Variants in OSBPL10 observed in about 807,000 individuals in gnomAD.
OSBPL10 encodes the protein oxysterol-binding protein-related protein 10.
Under a neutral mutation model 81.7 loss-of-function variants are expected in OSBPL10, and 49 were observed. The ratio of observed to expected loss-of-function variants is 0.60; its 90% CI spans 0.48 to 0.76. OSBPL10 has a LOEUF of 0.76. OSBPL10 is among the 30% of genes least tolerant of loss of function. OSBPL10 has a pLI of 0.00. For missense variants in OSBPL10, 923 were observed against 987.8 expected (o/e 0.93, Z 0.88); for synonymous variants, 419 against 383.6 (o/e 1.09, Z -1.08).
At chr3:31,828,019 A>T (rs533278966) in intron 4 of OSBPL10, among the ~76,000 whole-genome samples, 2 of 152,212 alleles carry the variant, frequency 1.3e-5, no homozygotes, top group Admixed American at 1.3e-4. Context: ...TTTTTCATAC[A>T]TACAGGCTTC....
At chr3:32,010,574 G>C (rs1027175671) in intron 2 of OSBPL10, among the ~76,000 whole-genome samples, 1 of 152,176 alleles carries the variant, frequency 6.6e-6, no homozygotes, top group African/African-American at 2.4e-5. Context: ...CATCTCACTG[G>C]GGATTGTCGG....
intron 3 of OSBPL10, among the ~76,000 whole-genome samples, chr3:31,849,522 C>G (rs942977166): frequency 2.0e-5 from 3 of 152,072 alleles, no homozygotes; most frequent in African/African-American, 7.2e-5. Context: ...GTCTAGAATC[C>G]TAGGTCTCAC....
chr3:32,074,032 TC>T (rs1383014865), intron 1 of OSBPL10, among the ~76,000 whole-genome samples: 1 of 152,148 alleles, frequency 6.6e-6, no homozygotes, highest in African/African-American at 2.4e-5. Context: ...CTGCCGCCAA[TC>T]CTTCTCTAGC....
chr3:32,066,017 G>A lies in OSBPL10; in HGVS notation n.185+11379C>T, dbSNP rs566200322. 2.7e-5 allele frequency among the ~76,000 whole-genome samples: 2 copies of A among 73,404 alleles called. 1 individual carries two copies. The highest frequency in any genetic ancestry group is 7.3e-5 in the Non-Finnish European group (2 of 27,382). 48.2% of individuals were successfully genotyped at this position (73,404 alleles called of 152,430 possible). A position where few individuals can be genotyped will look rare whatever the true frequency, so the allele number is the denominator to read the frequency against. On this transcript the variant is annotated intron_variant and non_coding_transcript_variant, in intron 1 of 3. Transcript: ENST00000479173. ...AAAGAAAGAAAGAAAGAGAAAGAAA[G>A]AAAGAAAGAGAGAGAGAGAGAAAGA...
chr3:31,899,053 C>CTTACAGGTTTAAGCGAGTCTT (rs1433859760), intron 1 of OSBPL10, among the ~76,000 whole-genome samples: 2 of 51,294 alleles, frequency 3.9e-5, no homozygotes, highest in Admixed American at 4.2e-4. Context: ...CCTCTGCCTC[C>CTTACAGGTTTAAGCGAGTCTT]CTGCCTCAGC....
At chr3:31,984,069 G>A (rs566489188), upstream of OSBPL10, among the ~76,000 whole-genome samples, 15 of 152,028 alleles carry the variant, frequency 9.9e-5, no homozygotes, top group South Asian at 1.7e-3. Flanking sequence ...CTGGAGTCTC[G>A]CTCTGTCACC....
intron 6 of OSBPL10, among the ~76,000 whole-genome samples, chr3:31,706,568 G>T (rs1241406881): frequency 1.3e-5 from 2 of 152,116 alleles, no homozygotes; most frequent in Non-Finnish European, 2.9e-5. Flanking sequence ...GATATATGGG[G>T]CTATGCCACC....
chr3:31,665,874 T>G (rs1700175969), intron 10 of OSBPL10, among the ~76,000 whole-genome samples: 1 of 152,130 alleles, frequency 6.6e-6, no homozygotes, highest in Admixed American at 6.5e-5. Context: ...AAGTCCCATC[T>G]TAAGACAGTG....
intron 1 of OSBPL10, among the ~76,000 whole-genome samples, chr3:32,051,651 C>T (rs1699670827): frequency 1.3e-5 from 2 of 152,152 alleles, no homozygotes; most frequent in Non-Finnish European, 2.9e-5. Context: ...TGCCTGCTTA[C>T]TAGGTCCTAG....
intron 1 of OSBPL10, among the ~76,000 whole-genome samples, chr3:31,968,108 G>A (rs1481132761): frequency 6.6e-6 from 1 of 151,944 alleles, no homozygotes; most frequent in Non-Finnish European, 1.5e-5. Context: ...TTTTCTTTCT[G>A]TGTGTATTTC....
At chr3:31,720,070 ATATAT>A (rs1046118833) in intron 6 of OSBPL10, among the ~76,000 whole-genome samples, 3 of 148,872 alleles carry the variant, frequency 2.0e-5, no homozygotes, top group Non-Finnish European at 3.0e-5. Context: ...TATATATTTT[ATATAT>A]TATATGTATA....
intron 1 of OSBPL10, chr3:31,960,395 G>T (rs1575061950): frequency 6.6e-6 from 1 of 152,150 alleles, no homozygotes; most frequent in African/African-American, 2.4e-5. Context: ...TGCATTCAGG[G>T]TATTCACATT....
chr3:32,013,159 C>T (rs372292377), intron 2 of OSBPL10, among the ~76,000 whole-genome samples: 1 of 152,128 alleles, frequency 6.6e-6, no homozygotes, highest in African/African-American at 2.4e-5. Flanking sequence ...CAGCACCACA[C>T]TGCACTTATT....
chr3:31,889,323 AGTGT>A, intron 1 of OSBPL10, among the ~76,000 whole-genome samples: 1 of 152,330 alleles, frequency 6.6e-6, no homozygotes, highest in South Asian at 2.1e-4. Flanking sequence ...AAAGGAAATC[AGTGT>A]ATTGAAGAGA....
intron 4 of OSBPL10, among the ~76,000 whole-genome samples, chr3:31,770,248 T>C (rs1017537103): frequency 2.0e-5 from 3 of 152,176 alleles, no homozygotes; most frequent in Middle Eastern, 3.2e-3. Context: ...TCCTTTCCTC[T>C]GGAAAAAAGT....
intron 2 of OSBPL10, among the ~76,000 whole-genome samples, chr3:31,987,220 T>A (rs1196910108): frequency 6.6e-6 from 1 of 152,180 alleles, no homozygotes; most frequent in Non-Finnish European, 1.5e-5. Context: ...GTTCATACTA[T>A]AAAACATATA....
intron 1 of OSBPL10, among the ~76,000 whole-genome samples, chr3:31,942,368 C>G (rs1455961221): frequency 1.5e-5 from 2 of 135,026 alleles, no homozygotes; most frequent in Admixed American, 7.3e-5. Flanking sequence ...ATGGTGAAAC[C>G]CTGTCTCTAC....
At chr3:32,041,627 TTCTTTCTTTC>T (rs1699576558) in intron 2 of OSBPL10, among the ~76,000 whole-genome samples, 1 of 103,826 alleles carries the variant, frequency 9.6e-6, no homozygotes, top group African/African-American at 2.7e-5. Context: ...CTGAGTTTCT[TTCTTTCTTTC>T]TCTTTCTTTC....
At chr3:31,851,821 G>C (rs187252288) in intron 3 of OSBPL10, among the ~76,000 whole-genome samples, 7 of 152,314 alleles carry the variant, frequency 4.6e-5, no homozygotes, top group African/African-American at 1.7e-4. Context: ...CCTGGAACCA[G>C]GCAGAGCAGG....
Sources: allele counts gnomAD v4.1 joint callset (sites outside exome capture counted in the v4.1 genomes callset), GRCh38; gene constraint gnomAD v4.1.1; transcripts MANE v1.5; gene names NCBI Gene and HGNC (gene_info 2026-07-23, HGNC 2026-07-21).